TBC1D2B: variants seen among roughly 807,000 people sequenced by gnomAD.
TBC1D2B encodes the protein TBC1 domain family member 2B, also known as TBC1 domain family, member 2B.
A neutral mutation model predicts 100.8 loss-of-function variants in TBC1D2B; 64 were observed. The observed-to-expected ratio is 0.64, with a 90% CI of 0.52 to 0.78. The LOEUF (loss-of-function observed/expected upper bound fraction) is 0.78. TBC1D2B is among the 30% of genes least tolerant of loss of function. The pLI, the probability that TBC1D2B is intolerant of heterozygous loss-of-function variation, is 0.00. For synonymous variants in TBC1D2B, 480 were observed against 479.7 expected (o/e 1.00, Z -0.01); for missense variants, 1,052 against 1,218.4 (o/e 0.86, Z 2.03).
intron 7 of TBC1D2B, among the ~76,000 whole-genome samples, chr15:78,017,478 T>C (rs768588108): frequency 6.6e-6 from 1 of 152,266 alleles, no homozygotes; most frequent in African/African-American, 2.4e-5. Flanking sequence ...CTTATAATTA[T>C]GTACTTACTT....
In TBC1D2B at chr15:77,996,824, T is replaced by C. The variant is rs1270281292; in HGVS notation, c.*1336A>G. On this transcript the variant is annotated 3_prime_UTR_variant, in exon 13 of 13. Coordinates refer to ENST00000300584, the MANE Select transcript of TBC1D2B (RefSeq NM_144572.2). ...GGTAATATGAAACATTCCACTGAGA[T>C]CATTTATCTTGTATTTTCATAACAC... The C allele has an allele frequency of 1.3e-5, 2 of 152,332 alleles. No homozygotes were observed. The highest frequency in any genetic ancestry group is 3.9e-4 in the East Asian group (2 of 5,186). 9.4% of individuals were successfully genotyped at this position (152,332 alleles called of 1,614,324 possible). A position where few individuals can be genotyped will look rare whatever the true frequency, so the allele number is the denominator to read the frequency against.
At chr15:78,002,404 C>T (rs2071938566) in intron 11 of TBC1D2B, 1 of 151,950 alleles carries the variant, frequency 6.6e-6, no homozygotes, top group Non-Finnish European at 1.5e-5. Flanking sequence ...CGATGGTCTC[C>T]ATCTCCTGAC....
chr15:78,004,149 C>T (rs1009131397), intron 10 of TBC1D2B, among the ~76,000 whole-genome samples: 7 of 152,300 alleles, frequency 4.6e-5, no homozygotes, highest in South Asian at 4.1e-4. Flanking sequence ...AAACTACCTG[C>T]GCACGACAGA....
At chr15:78,041,848 C>T (rs1017423049) in intron 3 of TBC1D2B, among the ~76,000 whole-genome samples, 5 of 152,330 alleles carry the variant, frequency 3.3e-5, no homozygotes, top group Admixed American at 2.0e-4. Context: ...AACTAACACT[C>T]GCCTAGTACT....
chr15:78,077,619 C>A lies in TBC1D2B; in HGVS notation c.34G>T (p.Gly12Cys). 9.9e-7 allele frequency: 1 copy of A among 1,008,684 alleles called. No homozygotes were observed. The highest frequency in any genetic ancestry group is 1.2e-6 in the Non-Finnish European group (1 of 845,286). 62.5% of individuals were successfully genotyped at this position (1,008,684 alleles called of 1,614,324 possible). A position where few individuals can be genotyped will look rare whatever the true frequency, so the allele number is the denominator to read the frequency against. The change falls in exon 1 of 13, where the codon GGC becomes TGC. Residue 12 changes from glycine to cysteine, a missense_variant. Gly to Cys is a radical substitution (Grantham distance 159). Around this residue, in one of 4 missense-constraint regions of TBC1D2B, gnomAD observed 627 missense variants for 646.1 expected, o/e 0.97. Transcript: ENST00000300584. ...PGAGARAEEGGGGGEGAAQGA... is the reference protein window; with the variant it reads ...PGAGARAEEGCGGGEGAAQGA... ...TGCGCCGCGCCCTCGCCGCCGCCGC[C>A]GCCCTCCTCCGCCCGGGCTCCGGCC...
chr15:78,056,101 G>A (rs1234839604), intron 1 of TBC1D2B, among the ~76,000 whole-genome samples: 2 of 152,252 alleles, frequency 1.3e-5, no homozygotes, highest in Non-Finnish European at 2.9e-5. Flanking sequence ...CTAGCTCAGT[G>A]TCAGGCACAT....
chr15:78,014,055 C>T (rs2072306156), intron 8 of TBC1D2B, among the ~76,000 whole-genome samples: 1 of 152,164 alleles, frequency 6.6e-6, no homozygotes, highest in Non-Finnish European at 1.5e-5. Context: ...GCAGGGGGCT[C>T]TAGAAGACGC....
intron 10 of TBC1D2B, among the ~76,000 whole-genome samples, chr15:78,008,005 C>G (rs1042381479): frequency 2.0e-5 from 3 of 152,228 alleles, no homozygotes; most frequent in Admixed American, 2.0e-4. Context: ...AGCAGGCAGG[C>G]CAGGCGGGGG....
In TBC1D2B at chr15:78,001,623, C is replaced by T; in HGVS notation, c.2692G>A (p.Ala898Thr). ...LRYFTRTILD[A>T]RKLISISFGD... ...TGAGAACTCCCCAGGACTCACCTAG[C>T]ATCAAGGATAGTGCGAGTGAAGTAG... The change falls in exon 12 of 13, where the codon GCT becomes ACT. Residue 898 changes from alanine (A) to threonine (T), a missense_variant. Physicochemically the swap from Ala to Thr is moderately conservative, Grantham distance 58. This residue lies in a region of TBC1D2B where 373 missense variants were observed against 464.9 expected (regional missense o/e 0.80). Transcript: ENST00000300584. 1 of 1,608,888 alleles carries T rather than the reference C, an allele frequency of 6.2e-7. No homozygotes were observed. The highest frequency in any genetic ancestry group is 8.5e-7 in the Non-Finnish European group (1 of 1,177,680).
intron 1 of TBC1D2B, among the ~76,000 whole-genome samples, chr15:78,075,200 T>A (rs775147197): frequency 9.9e-5 from 15 of 152,026 alleles, no homozygotes; most frequent in African/African-American, 1.7e-4. Context: ...ATTTATTATT[T>A]TTTTTTTAAT....
intron 3 of TBC1D2B, among the ~76,000 whole-genome samples, chr15:78,039,751 TACACACACACAC>T (rs3972618): frequency 2.5e-4 from 37 of 148,106 alleles, no homozygotes; most frequent in African/African-American, 9.2e-4. Flanking sequence ...AGAGGCTTAC[TACACACACACAC>T]ACACACACAC....
rs1400539609 is a variant in TBC1D2B, at chr15:78,077,635, G to T, written c.18C>A (p.Ala6=). MPGAG[A]RAEEGGGGGE... ...CGCCGCCGCCGCCCTCCTCCGCCCG[G>T]GCTCCGGCCCCCGGCATCGCTACCG... The change falls in exon 1 of 13, where the codon GCC becomes GCA. Residue 6 remains alanine (A), a synonymous_variant. Coordinates refer to ENST00000300584, the MANE Select transcript of TBC1D2B (RefSeq NM_144572.2). The T allele has an allele frequency of 2.0e-6, 2 of 994,490 alleles. No homozygotes were observed. The highest frequency in any genetic ancestry group is 3.5e-5 in the African/African-American group (2 of 56,654). 61.6% of individuals were successfully genotyped at this position (994,490 alleles called of 1,614,324 possible). A position where few individuals can be genotyped will look rare whatever the true frequency, so the allele number is the denominator to read the frequency against.
chr15:78,000,981 A>C (rs2071897561), intron 12 of TBC1D2B, among the ~76,000 whole-genome samples: 1 of 152,136 alleles, frequency 6.6e-6, no homozygotes, highest in South Asian at 2.1e-4. Flanking sequence ...ACCCTGCAGG[A>C]CTTCCCAGCA....
At chr15:78,054,004 T>C (rs1051246151) in intron 2 of TBC1D2B, 30 bp downstream of exon 2, 1 of 1,595,232 alleles carries the variant, frequency 6.3e-7, no homozygotes, top group African/African-American at 1.4e-5. Context: ...CACAAAGAAC[T>C]GACCCAGCTC....
At chr15:78,016,800 G>C in intron 7 of TBC1D2B, 61 bp from the exon 8 acceptor site, 1 of 1,359,050 alleles carries the variant, frequency 7.4e-7, no homozygotes, top group East Asian at 2.6e-5. Context: ...CAATCTTTAG[G>C]TACGCAAATG....
chr15:78,044,994 C>A lies in TBC1D2B; in HGVS notation c.589G>T (p.Glu197Ter), dbSNP rs761226895. 6.2e-7 allele frequency: 1 copy of A among 1,613,864 alleles called. No individual in the cohort carries two copies. Among genetic ancestry groups the A allele is most frequent in the South Asian group, 1.1e-5 (1 of 91,064 alleles). The change falls in exon 3 of 13, where the codon GAG becomes TAG. Residue 197 changes from glutamate to a stop codon, truncating the protein, a stop_gained. Coordinates refer to ENST00000300584, the MANE Select transcript of TBC1D2B (RefSeq NM_144572.2). LOFTEE classifies it high-confidence loss of function. ...NVLAVETVPG[E>*]LVGEQAANQP... ...TTTGCAGCTTGTTCTCCCACCAGCT[C>A]TCCAGGCACAGTCTCCACAGCTAGG...
Position 78,016,616 on chromosome 15 carries a change from G to C in TBC1D2B, c.1705C>G (p.Leu569Val). The C allele has an allele frequency of 6.2e-7, 1 of 1,612,946 alleles. No individual in the cohort carries two copies. The highest frequency in any genetic ancestry group is 8.5e-7 in the Non-Finnish European group (1 of 1,179,466). Residue 569 changes from leucine (L) to valine (V), a missense_variant, in exon 8 of 13, where the codon CTG becomes GTG. Leu to Val is a conservative substitution (Grantham distance 32). Transcript: ENST00000300584. ...GPTREVIAQL[L>V]EDALQVESQE... ...CTCTCAACCTGCAGAGCATCCTCCAGCAACTGGGCTATGACCTCCCGGGTG... is the reference window on the plus strand; with the variant it reads ...CTCTCAACCTGCAGAGCATCCTCCACCAACTGGGCTATGACCTCCCGGGTG...
chr15:78,053,729 G>C (rs1294591488), intron 2 of TBC1D2B: 2 of 257,662 alleles, frequency 7.8e-6, no homozygotes, highest in Non-Finnish European at 1.5e-5. Flanking sequence ...TTCATCATTA[G>C]GTGTAGTAGA....
At chr15:78,032,537 C>G (rs2072842391) in intron 3 of TBC1D2B, among the ~76,000 whole-genome samples, 1 of 151,180 alleles carries the variant, frequency 6.6e-6, no homozygotes, top group South Asian at 2.1e-4. Flanking sequence ...GAAAAAAAAT[C>G]AATCAACAGA....
Sources: allele counts gnomAD v4.1 joint callset (sites outside exome capture counted in the v4.1 genomes callset), GRCh38; gene constraint gnomAD v4.1.1; regional missense constraint gnomAD v4.1.1; transcripts MANE v1.5; gene names NCBI Gene and HGNC (gene_info 2026-07-23, HGNC 2026-07-21).